PGM2: variants seen among roughly 807,000 people sequenced by gnomAD.
PGM2 encodes the protein phosphoglucomutase 2, also known as phosphopentomutase.
PGM2 carries 57 observed loss-of-function variants against 74.6 expected under a neutral mutation model. The ratio of observed to expected loss-of-function variants is 0.76; its 90% confidence interval spans 0.62 to 0.95. The LOEUF is 0.95. Among genes scored for constraint, PGM2 ranks in the 40% least tolerant of loss-of-function variants. PGM2 has a pLI of 0.00. For missense variants in PGM2, 706 were observed against 741.9 expected (o/e 0.95, Z 0.56); for synonymous variants, 273 against 260.7 (o/e 1.05, Z -0.46).
rs1491511171 is a variant in PGM2, at chr4:37,841,190, T to TGTGTGTGTGTGTGTGTGTG, written c.719+931_719+932insGTGTGTGTGTGTGTGTGTG. 3.8e-3 allele frequency among the ~76,000 whole-genome samples: 314 copies of TGTGTGTGTGTGTGTGTGTG among 83,432 alleles called. 5 individuals are homozygous for TGTGTGTGTGTGTGTGTGTG. The highest frequency in any genetic ancestry group is 6.8e-3 in the East Asian group (19 of 2,802). The allele number at this position is 83,432 out of a possible 152,430, so 54.7% of individuals were successfully genotyped here. ...TGTGTGTGTGTGTGTGTGTGTGTGGTTTGTTCTGTGCACTTTTCCCCCCAA... is the reference window on the plus strand; with the variant it reads ...TGTGTGTGTGTGTGTGTGTGTGTGGTGTGTGTGTGTGTGTGTGTGTTGTTCTGTGCACTTTTCCCCCCAA... On this transcript the variant is annotated intron_variant, in intron 6 of 13. Transcript: ENST00000381967.
chr4:37,859,497 T>A (rs1230758689), intron 13 of PGM2, among the ~76,000 whole-genome samples: 1 of 152,176 alleles, frequency 6.6e-6, no homozygotes, highest in Non-Finnish European at 1.5e-5. Context: ...GTGGAATTCT[T>A]CAGGAAAACC....
At chr4:37,845,361 C>T (rs777193308) in intron 7 of PGM2, among the ~76,000 whole-genome samples, 50 of 152,198 alleles carry the variant, frequency 3.3e-4, no homozygotes, top group Middle Eastern at 3.2e-3. Flanking sequence ...GACCTACTGG[C>T]GCATGTGCAG....
chr4:37,834,029 A>G (rs1475809513), intron 2 of PGM2, among the ~76,000 whole-genome samples: 3 of 152,046 alleles, frequency 2.0e-5, no homozygotes, highest in Non-Finnish European at 4.4e-5. Flanking sequence ...GGCTTATTTT[A>G]CCCATCTATA....
At chr4:37,848,121 CA>C (rs1224038401) in intron 10 of PGM2, among the ~76,000 whole-genome samples, 13 of 152,300 alleles carry the variant, frequency 8.5e-5, no homozygotes, top group African/African-American at 3.1e-4. Context: ...TAGCCTACAG[CA>C]GCTTAGATAG....
At chr4:37,858,305 C>G (rs1269449938) in intron 13 of PGM2, among the ~76,000 whole-genome samples, 1 of 151,850 alleles carries the variant, frequency 6.6e-6, no homozygotes, top group African/African-American at 2.4e-5. Context: ...ACCAGCATAC[C>G]TAACGTACAA....
chr4:37,834,590 A>G (rs766950750), intron 2 of PGM2, 28 bp from the exon 3 acceptor site: 7 of 1,107,898 alleles, frequency 6.3e-6, no homozygotes, highest in Non-Finnish European at 9.5e-6. Flanking sequence ...GTTAAAACAT[A>G]CTTTTTAAAT....
intron 2 of PGM2, among the ~76,000 whole-genome samples, chr4:37,830,688 A>C (rs965867118): frequency 3.3e-5 from 5 of 152,222 alleles, no homozygotes; most frequent in African/African-American, 1.2e-4. Flanking sequence ...ACTGTTTATG[A>C]GGGAAATGAA....
chr4:37,833,986 C>T (rs1296320437), intron 2 of PGM2, among the ~76,000 whole-genome samples: 1 of 152,090 alleles, frequency 6.6e-6, no homozygotes, highest in Non-Finnish European at 1.5e-5. Flanking sequence ...CTCTGCTACT[C>T]GAATATCTGA....
intron 10 of PGM2, among the ~76,000 whole-genome samples, chr4:37,848,299 C>T (rs1444715658): frequency 6.6e-6 from 1 of 152,168 alleles, no homozygotes; most frequent in African/African-American, 2.4e-5. Context: ...TGATTGAGCA[C>T]CATGTGGCCA....
At chr4:37,858,844 C>A (rs1711659790) in intron 13 of PGM2, among the ~76,000 whole-genome samples, 1 of 152,068 alleles carries the variant, frequency 6.6e-6, no homozygotes, top group African/African-American at 2.4e-5. Flanking sequence ...TTTTGTCCAA[C>A]TTTTTTATTT....
chr4:37,845,176 G>C lies in PGM2; in HGVS notation c.910-457G>C, dbSNP rs185430048. On this transcript the variant is annotated intron_variant, in intron 7 of 13. Transcript: ENST00000381967. ...GAAGCAGTAATAGAGTGAAACTTTA[G>C]CAGGTTATGATTTTTATTTCTTGTC... Among the ~76,000 whole-genome samples, 12 of 152,208 alleles carry C rather than the reference G, an allele frequency of 7.9e-5. No homozygotes were observed. In the East Asian group the frequency reaches 2.3e-3, roughly 29 times the overall value.
chr4:37,847,991 G>A (rs2152179245), intron 10 of PGM2, among the ~76,000 whole-genome samples: 1 of 152,260 alleles, frequency 6.6e-6, no homozygotes, highest in South Asian at 2.1e-4. Context: ...TTTATTGTCA[G>A]ATTTGGCAGA....
Position 37,840,231 on chromosome 4 carries a change from G to A in PGM2, c.691G>A (p.Glu231Lys), listed in dbSNP as rs1315075733. 5.0e-6 allele frequency: 8 copies of A among 1,609,968 alleles called. No individual in the cohort carries two copies. The highest frequency in any genetic ancestry group is 6.8e-6 in the Non-Finnish European group (8 of 1,176,228). ...TGCTTCCATCAATAATGACTACTTT[G>A]AAGACCTTAAAAAGTACTGTTTCCA... ...PSASINNDYFEDLKKYCFHRS... is the reference protein window; with the variant it reads ...PSASINNDYFKDLKKYCFHRS... The change falls in exon 6 of 14, where the codon GAA becomes AAA. Residue 231 changes from glutamate to lysine, a missense_variant. Glu to Lys is a moderately conservative substitution (Grantham distance 56, BLOSUM62 1). Coordinates refer to ENST00000381967, the MANE Select transcript of PGM2 (RefSeq NM_018290.4).
chr4:37,839,546 G>T, intron 4 of PGM2: 1 of 526,246 alleles, frequency 1.9e-6, no homozygotes, highest in African/African-American at 1.9e-5. Flanking sequence ...TGGAATGGAG[G>T]CTTAGACCAT....
chr4:37,862,257 CTT>C lies in PGM2; in HGVS notation c.*647_*648del, dbSNP rs149771819. The C allele has an allele frequency of 8.3e-4, 126 of 152,178 alleles. No homozygotes were observed. The highest frequency in any genetic ancestry group is 2.8e-3 in the African/African-American group (118 of 41,536). The allele number at this position is 152,178 out of a possible 1,614,324, so 9.4% of individuals were successfully genotyped here. On this transcript the variant is annotated 3_prime_UTR_variant, in exon 14 of 14. Transcript: ENST00000381967. ...TGCTAGGAAAAAACAGCTTCAGTGT[CTT>C]TGTTTAATGTGTTGAAACTCATCTT... is the stretch of plus-strand genomic sequence containing the variant.
At chr4:37,835,289 A>G (rs1004560555) in intron 3 of PGM2, among the ~76,000 whole-genome samples, 5 of 152,210 alleles carry the variant, frequency 3.3e-5, no homozygotes, top group African/African-American at 7.2e-5. Flanking sequence ...AGGAGTCGCA[A>G]TTTAAGCCTA....
intron 8 of PGM2, among the ~76,000 whole-genome samples, chr4:37,846,702 A>G (rs1262103961): frequency 2.0e-5 from 3 of 152,264 alleles, no homozygotes; most frequent in African/African-American, 7.2e-5. Context: ...CTTCAAAGAC[A>G]GGATGTCTGT....
Position 37,844,546 on chromosome 4 carries a change from G to GC in PGM2, c.902_903insC (p.Val302CysfsTer10). 6.3e-7 allele frequency: 1 copy of GC among 1,598,176 alleles called. No individual in the cohort carries two copies. Among genetic ancestry groups the GC allele is most frequent in the South Asian group, 1.1e-5 (1 of 88,360 alleles). The stretch of plus-strand genomic sequence containing the variant: ...TACCCGAATCCCGAAGAGGGGAAAG[G>GC]TGTCTTGGTAACCTAATTTTTTTTT... On this transcript the variant is annotated frameshift_variant, in exon 7 of 14. Coordinates refer to ENST00000381967, the MANE Select transcript of PGM2 (RefSeq NM_018290.4). LOFTEE classifies it high-confidence loss of function.
chr4:37,858,420 T>C (rs1711627613), intron 13 of PGM2, among the ~76,000 whole-genome samples: 1 of 151,944 alleles, frequency 6.6e-6, no homozygotes, highest in Non-Finnish European at 1.5e-5. Flanking sequence ...CACTGCAACC[T>C]CTGCCTCCTG....
Sources: allele counts gnomAD v4.1 joint callset (sites outside exome capture counted in the v4.1 genomes callset), GRCh38; gene constraint gnomAD v4.1.1; transcripts MANE v1.5; gene names NCBI Gene and HGNC (gene_info 2026-07-23, HGNC 2026-07-21).